The following COL4A6 variants were observed in gnomAD, a reference collection of about 807,000 sequenced individuals.
COL4A6 encodes collagen type IV alpha 6 chain.
A neutral mutation model predicts 126.7 loss-of-function variants in COL4A6; 59 were observed. The observed-to-expected ratio is 0.47, with a 90% CI of 0.38 to 0.58. The LOEUF is 0.58. Among genes scored for constraint, COL4A6 ranks in the 20% least tolerant of loss-of-function variants. The probability of loss-of-function intolerance (pLI) is 0.00; values close to 1 mark genes in which losing one functional copy is unlikely to be tolerated. For synonymous variants in COL4A6, 547 were observed against 496.6 expected (o/e 1.10, Z -1.35); for missense variants, 1,285 against 1,337.3 (o/e 0.96, Z 0.61).
intron 2 of COL4A6, among the ~76,000 whole-genome samples, chrX:108,356,963 CAA>C (rs2039975878): frequency 9.0e-6 from 1 of 110,780 alleles, no homozygotes; most frequent in African/African-American, 3.3e-5. Flanking sequence ...GATACAACAA[CAA>C]AGAGTAGAAA....
chrX:108,158,365 T>C (rs749744964), intron 44 of COL4A6, among the ~76,000 whole-genome samples: 5 of 112,876 alleles, frequency 4.4e-5, no homozygotes, highest in African/African-American at 1.6e-4. Context: ...GCAGTCCAAC[T>C]TCTCACCCTT....
At chrX:108,282,970 G>A (rs1024709283) in intron 3 of COL4A6, among the ~76,000 whole-genome samples, 1 of 88,912 alleles carries the variant, frequency 1.1e-5, no homozygotes, top group African/African-American at 4.2e-5. Flanking sequence ...ACACAGGAAG[G>A]GGAACATCAC....
chrX:108,293,758 A>G (rs1268547390), intron 3 of COL4A6, among the ~76,000 whole-genome samples: 1 of 111,673 alleles, frequency 9.0e-6, no homozygotes, highest in Non-Finnish European at 1.9e-5. Context: ...ATTCTTAAAG[A>G]GGAAAATGTT....
At chrX:108,403,464 A>AT (rs757480651) in intron 2 of COL4A6, among the ~76,000 whole-genome samples, 1 of 110,119 alleles carries the variant, frequency 9.1e-6, no homozygotes, top group Non-Finnish European at 1.9e-5. Flanking sequence ...CACATCTCTT[A>AT]TTTTTTTAAT....
chrX:108,285,544 C>T (rs2037983803), intron 3 of COL4A6, among the ~76,000 whole-genome samples: 1 of 111,542 alleles, frequency 9.0e-6, no homozygotes, highest in Admixed American at 9.5e-5. Flanking sequence ...CCAGGCCTGA[C>T]TTCCTGCAGA....
At chrX:108,406,316 C>T (rs1007695244) in intron 2 of COL4A6, among the ~76,000 whole-genome samples, 1 of 111,854 alleles carries the variant, frequency 8.9e-6, no homozygotes, top group Non-Finnish European at 1.9e-5. Flanking sequence ...CTCGCCCTTC[C>T]TCCTGACCTT....
At chrX:108,172,963 C>T (rs887927548) in intron 31 of COL4A6, among the ~76,000 whole-genome samples, 4 of 112,064 alleles carry the variant, frequency 3.6e-5, no homozygotes, top group East Asian at 5.6e-4. Flanking sequence ...CCACAGGTTC[C>T]GCAAGGAACA....
chrX:108,430,948 T>A (rs1161454678), intron 2 of COL4A6, among the ~76,000 whole-genome samples: 3 of 111,690 alleles, frequency 2.7e-5, no homozygotes, highest in African/African-American at 6.5e-5. Context: ...AAGGGGTTAG[T>A]AGGCAAATGG....
At chrX:108,234,438 G>A (rs1384566621) in intron 3 of COL4A6, among the ~76,000 whole-genome samples, 5 of 111,939 alleles carry the variant, frequency 4.5e-5, no homozygotes, top group East Asian at 2.8e-4. Context: ...AATCAATTAC[G>A]TAGATGCACA....
chrX:108,394,223 G>C (rs768319198), intron 2 of COL4A6, among the ~76,000 whole-genome samples: 1 of 110,292 alleles, frequency 9.1e-6, no homozygotes, highest in Non-Finnish European at 1.9e-5. Flanking sequence ...GGAGTTGAAC[G>C]ATGAGAGTGC....
intron 23 of COL4A6, among the ~76,000 whole-genome samples, chrX:108,184,301 T>C (rs2034783547): frequency 8.9e-6 from 1 of 112,479 alleles, no homozygotes; most frequent in Non-Finnish European, 1.9e-5. Flanking sequence ...TTAAAGTAAT[T>C]TCTTGAAACT....
intron 2 of COL4A6, among the ~76,000 whole-genome samples, chrX:108,320,430 G>T (rs2038998113): frequency 9.0e-6 from 1 of 111,330 alleles, no homozygotes; most frequent in Non-Finnish European, 1.9e-5. Context: ...GAAAAGAGGG[G>T]CAAGGGAGTC....
chrX:108,195,460 C>T (rs2035185072), intron 14 of COL4A6, among the ~76,000 whole-genome samples: 1 of 111,562 alleles, frequency 9.0e-6, no homozygotes, highest in Non-Finnish European at 1.9e-5. Flanking sequence ...TCAGTAGAGA[C>T]AGGGTTTCAC....
chrX:108,229,037 G>C (rs896016361), intron 3 of COL4A6, among the ~76,000 whole-genome samples: 1 of 112,212 alleles, frequency 8.9e-6, no homozygotes, highest in Non-Finnish European at 1.9e-5. Context: ...TTCTGTAAGC[G>C]AGGGCCAGTC....
chrX:108,171,144 CAAG>C (rs1242613421), intron 33 of COL4A6, among the ~76,000 whole-genome samples: 2 of 112,192 alleles, frequency 1.8e-5, no homozygotes, highest in African/African-American at 6.5e-5. Flanking sequence ...TGGAAATGTT[CAAG>C]AAGGACAGTT....
intron 3 of COL4A6, among the ~76,000 whole-genome samples, chrX:108,241,444 G>GA (rs2036568525): frequency 9.3e-6 from 1 of 107,388 alleles, no homozygotes; most frequent in Non-Finnish European, 1.9e-5. Flanking sequence ...TCACTATGCT[G>GA]AACTGCCATC....
rs772772488 is a variant in COL4A6 at position 108,364,686 on chromosome X, T to C, written c.64-53858A>G. Among the ~76,000 whole-genome samples, 3 of 111,879 alleles carry C rather than the reference T, an allele frequency of 2.7e-5. No homozygotes were observed. In the East Asian group the frequency reaches 8.4e-4, roughly 31 times the overall value. ...AAATGAGAACGTGTGGTACTTGACT[T>C]CCTGAGTTGTTTCACTCGGGATAAT... On this transcript the variant is annotated intron_variant, in intron 2 of 44. Transcript: ENST00000334504.
intron 3 of COL4A6, among the ~76,000 whole-genome samples, chrX:108,273,983 C>T (rs2037531221): frequency 8.9e-6 from 1 of 111,963 alleles, no homozygotes; most frequent in South Asian, 3.8e-4. Flanking sequence ...AACAGATTTC[C>T]ATGAACTTAG....
intron 2 of COL4A6, among the ~76,000 whole-genome samples, chrX:108,312,756 G>T (rs1308210173): frequency 8.9e-6 from 1 of 111,807 alleles, no homozygotes; most frequent in African/African-American, 3.2e-5. Flanking sequence ...TCAAGGAAGA[G>T]AACTTGACAG....
Sources: gnomAD v4.1 joint callset for allele counts (sites outside exome capture counted in the v4.1 genomes callset) on GRCh38, gnomAD v4.1.1 for gene constraint, MANE v1.5 for transcripts, NCBI Gene and HGNC (gene_info 2026-07-23, HGNC 2026-07-21) for gene names.